Variants in HIPK1 observed in about 807,000 individuals in gnomAD.
The protein encoded by HIPK1 is homeodomain interacting protein kinase 1, also known as homeodomain-interacting protein kinase 1.
HIPK1 carries 28 observed loss-of-function variants against 117.1 expected under a neutral mutation model. The observed-to-expected ratio is 0.24, with a 90% CI of 0.18 to 0.33. HIPK1 has a LOEUF of 0.33. HIPK1 is among the 10% of genes least tolerant of loss of function. The probability of loss-of-function intolerance (pLI) is 1.00; values close to 1 mark genes in which losing one functional copy is unlikely to be tolerated. For synonymous variants in HIPK1, 605 were observed against 562.5 expected (o/e 1.08, Z -1.07); for missense variants, 1,122 against 1,475.1 (o/e 0.76, Z 3.92).
intron 1 of HIPK1, among the ~76,000 whole-genome samples, chr1:113,934,095 T>C (rs1207429309): frequency 6.6e-6 from 1 of 152,218 alleles, no homozygotes; most frequent in African/African-American, 2.4e-5. Flanking sequence ...ATACCTGTGT[T>C]CATGTCATCT....
rs765873751 is a variant in HIPK1, at chr1:113,968,500, C to T, written c.2623C>T (p.Arg875Cys). Residue 875 changes from arginine (R) to cysteine (C), a missense_variant, in exon 13 of 16, where the codon CGC (arginine) becomes TGC (cysteine). Physicochemically the swap from Arg to Cys is radical, Grantham distance 180. This residue lies in a region of HIPK1 where 731 missense variants were observed against 860.4 expected (regional missense o/e 0.85). Coordinates refer to ENST00000426820, the MANE Select transcript of HIPK1 (RefSeq NM_198268.3). ...VYSLVGSSPL[R>C]TTSSYNSLVP... ...TTCTCTGGTTGGGAGCAGTCCCCTC[C>T]GCACCACATCTTCTTATAATTCCTT... The T allele has an allele frequency of 4.4e-5, 71 of 1,613,980 alleles. 1 individual carries two copies. The highest frequency in any genetic ancestry group is 2.0e-4 in the East Asian group (9 of 44,896).
rs1279709704 is a variant in HIPK1, at chr1:113,975,386, T to C, written c.*1874T>C. The C allele has an allele frequency of 6.5e-6, 1 of 152,810 alleles. No homozygotes were observed. The highest frequency in any genetic ancestry group is 1.9e-4 in the East Asian group (1 of 5,346). The allele number at this position is 152,810 out of a possible 1,614,324, so 9.5% of individuals were successfully genotyped here. ...TCTCGGCTGAGTTCTCACAGAAGCA[T>C]TTTCCCCATGTGGCTCTCTCACTGT... On this transcript the variant is annotated 3_prime_UTR_variant, in exon 16 of 16. Coordinates refer to ENST00000426820, the MANE Select transcript of HIPK1 (RefSeq NM_198268.3).
chr1:113,963,346 C>G, intron 9 of HIPK1, 41 bp from the exon 10 acceptor site: 9 of 1,606,526 alleles, frequency 5.6e-6, no homozygotes, highest in Non-Finnish European at 7.6e-6. Flanking sequence ...GATATCCTGC[C>G]TCCGTGTTTG....
At chr1:113,938,686 A>G (rs549924180) in intron 1 of HIPK1, among the ~76,000 whole-genome samples, 29 of 151,498 alleles carry the variant, frequency 1.9e-4, no homozygotes, top group Non-Finnish European at 1.5e-5. Context: ...AGGGGGGTGG[A>G]TCACTTGAGC....
chr1:113,929,684 A>T (rs968450299), intron 1 of HIPK1, 152 bp downstream of exon 1: 2 of 865,974 alleles, frequency 2.3e-6, no homozygotes, highest in Non-Finnish European at 1.5e-6. Flanking sequence ...CGGCAGCAGG[A>T]GGCCGAGGCG....
chr1:113,952,056 A>G (rs1671402937), intron 2 of HIPK1, among the ~76,000 whole-genome samples: 1 of 146,886 alleles, frequency 6.8e-6, no homozygotes, highest in Non-Finnish European at 1.5e-5. Context: ...CTTTTGTCTC[A>G]ACCTCCTGAG....
Position 113,970,102 on chromosome 1 carries a change from G to C in HIPK1, c.2918G>C (p.Gly973Ala). The C allele has an allele frequency of 6.2e-7, 1 of 1,614,132 alleles. No homozygotes were observed. The highest frequency in any genetic ancestry group is 1.1e-5 in the South Asian group (1 of 91,080). ...AGTGGATCCGTTTTGGAGGGGCCTG[G>C]CAGAGTTGTGGCAGATGGCACTGGC... ...GNSGSVLEGPGRVVADGTGTR... is the reference protein window; with the variant it reads ...GNSGSVLEGPARVVADGTGTR... Residue 973 changes from glycine (G) to alanine (A), a missense_variant, in exon 14 of 16, where the codon GGC becomes GCC. Around this residue, in one of 6 missense-constraint regions of HIPK1, gnomAD observed 731 missense variants for 860.4 expected, o/e 0.85. Transcript: ENST00000426820.
intron 1 of HIPK1, among the ~76,000 whole-genome samples, chr1:113,935,623 C>T (rs1670202258): frequency 2.0e-5 from 3 of 152,172 alleles, no homozygotes; most frequent in Admixed American, 1.3e-4. Context: ...AATGGGTGAA[C>T]TAATTTATAC....
In HIPK1 at chr1:113,970,078, G is replaced by A; in HGVS notation, c.2894G>A (p.Ser965Asn). ...ACCCTGAGTGCTCTCCGAGGCAATAGTGGATCCGTTTTGGAGGGGCCTGGC... is the reference window on the plus strand; with the variant it reads ...ACCCTGAGTGCTCTCCGAGGCAATAATGGATCCGTTTTGGAGGGGCCTGGC... ...TDTLSALRGN[S>N]GSVLEGPGRV... The change falls in exon 14 of 16, where the codon AGT becomes AAT. Residue 965 changes from serine (S) to asparagine (N), a missense_variant. Ser to Asn is a conservative substitution (Grantham distance 46). Transcript: ENST00000426820. 6.2e-7 allele frequency: 1 copy of A among 1,614,176 alleles called. No homozygotes were observed. The highest frequency in any genetic ancestry group is 8.5e-7 in the Non-Finnish European group (1 of 1,180,038).
intron 14 of HIPK1, 52 bp from the exon 15 acceptor site, chr1:113,971,771 GA>G: frequency 6.4e-7 from 1 of 1,553,984 alleles, no homozygotes; most frequent in Admixed American, 2.2e-5. Context: ...GATGCCATCT[GA>G]GGTTAGCTCA....
At position 113,929,434 on chromosome 1, in the gene HIPK1, T is replaced by G; in HGVS notation, c.-101T>G. On this transcript the variant is annotated 5_prime_UTR_variant, in exon 1 of 16. Transcript: ENST00000426820. ...GGCCCCGCACTCGATCCACGCTGGC[T>G]CCCTACGGAGGCCCACCTACTCGAG... 1 of 1,289,298 alleles carries G rather than the reference T, an allele frequency of 7.8e-7. No individual in the cohort carries two copies. The highest frequency in any genetic ancestry group is 5.5e-5 in the East Asian group (1 of 18,034). The allele number at this position is 1,289,298 out of a possible 1,614,324, so 79.9% of individuals were successfully genotyped here. A position where few individuals can be genotyped will look rare whatever the true frequency, so the allele number is the denominator to read the frequency against.
intron 11 of HIPK1, 74 bp from the exon 12 acceptor site, chr1:113,967,692 C>A: frequency 9.1e-7 from 1 of 1,098,048 alleles, no homozygotes; most frequent in Non-Finnish European, 1.2e-6. Context: ...TGGCTAATTG[C>A]TTTTGATGTC....
Position 113,971,877 on chromosome 1 carries a change from G to A in HIPK1, c.3067G>A (p.Gly1023Arg), listed in dbSNP as rs767394149. The change falls in exon 15 of 16, where the codon GGA becomes AGA. Residue 1023 changes from glycine (G) to arginine (R), a missense_variant. Transcript: ENST00000426820. ...PVASVSGQSSGCCITPTGYRA... is the reference protein window; with the variant it reads ...PVASVSGQSSRCCITPTGYRA... ...CGCTTCAGTGAGTGGGCAGTCATCT[G>A]GATGCTGTATCACCCCCACAGGGTA... The A allele has an allele frequency of 2.5e-6, 4 of 1,602,358 alleles. No individual in the cohort carries two copies. Among genetic ancestry groups the A allele is most frequent in the Non-Finnish European group, 3.4e-6 (4 of 1,176,228 alleles).
chr1:113,951,814 G>A (rs2101284895), intron 2 of HIPK1, among the ~76,000 whole-genome samples: 1 of 152,034 alleles, frequency 6.6e-6, no homozygotes, highest in South Asian at 2.1e-4. Flanking sequence ...GATGGAACTA[G>A]GATTCAGACC....
intron 2 of HIPK1, among the ~76,000 whole-genome samples, chr1:113,949,463 G>A (rs1671203666): frequency 6.6e-6 from 1 of 152,046 alleles, no homozygotes; most frequent in South Asian, 2.1e-4. Context: ...TTATTAATGC[G>A]CCTGTCAAAC....
At chr1:113,937,464 TAAAAA>T (rs533322128) in intron 1 of HIPK1, among the ~76,000 whole-genome samples, 168 of 146,036 alleles carry the variant, frequency 1.2e-3, no homozygotes, top group African/African-American at 4.2e-3. Flanking sequence ...GGGAAGACAT[TAAAAA>T]AAAAAAATCA....
chr1:113,971,710 A>G, intron 14 of HIPK1, 114 bp from the exon 15 acceptor site: 2 of 959,698 alleles, frequency 2.1e-6, no homozygotes, highest in Non-Finnish European at 3.0e-6. Context: ...TGTAAATAGA[A>G]TTGAGACCTT....
chr1:113,930,013 C>G, intron 1 of HIPK1: 1 of 985,130 alleles, frequency 1.0e-6, no homozygotes, highest in Non-Finnish European at 1.2e-6. Flanking sequence ...GGGGCCGGGC[C>G]GGCCGCCGGC....
Position 113,941,212 on chromosome 1 carries a change from G to A in HIPK1, c.829G>A (p.Asp277Asn). 6.2e-7 allele frequency: 1 copy of A among 1,614,210 alleles called. No homozygotes were observed. Among genetic ancestry groups the A allele is most frequent in the Non-Finnish European group, 8.5e-7 (1 of 1,180,038 alleles). ...VFEMLEQNLY[D>N]FLKQNKFSPL... ...TGAAATGTTGGAGCAGAACTTATAT[G>A]ATTTTCTAAAGCAAAACAAATTTAG... The change falls in exon 2 of 16, where the codon GAT (aspartate) becomes AAT (asparagine). Residue 277 changes from aspartate to asparagine, a missense_variant. By Grantham distance (23) the Asp-to-Asn change is conservative (BLOSUM62 1). Coordinates refer to ENST00000426820, the MANE Select transcript of HIPK1 (RefSeq NM_198268.3). The surrounding 1 kb of genome is among the most constrained non-coding windows in gnomAD (Gnocchi z 4.9).
Sources: gnomAD v4.1 joint callset for allele counts (sites outside exome capture counted in the v4.1 genomes callset) on GRCh38, gnomAD v4.1.1 for gene constraint, gnomAD v4.1.1 regional missense constraint, Gnocchi (gnomAD v3.1) non-coding constraint, MANE v1.5 for transcripts, NCBI Gene and HGNC (gene_info 2026-07-23, HGNC 2026-07-21) for gene names.